LRP1B: variants seen among roughly 807,000 people sequenced by gnomAD.
LRP1B encodes the protein LDL receptor related protein 1B, also known as low-density lipoprotein receptor-related protein 1B.
LRP1B carries 217 observed loss-of-function variants against 556.6 expected under a neutral mutation model. That is an observed-to-expected ratio of 0.39 (90% CI 0.35 to 0.44). The LOEUF (loss-of-function observed/expected upper bound fraction) is 0.44, where lower values mean the gene tolerates loss of function less well. Among genes scored for constraint, LRP1B ranks in the 20% least tolerant of loss-of-function variants. The pLI, the probability that LRP1B is intolerant of heterozygous loss-of-function variation, is 1.00. For missense variants in LRP1B, 5,053 were observed against 5,620.8 expected, an observed-to-expected ratio of 0.90 and a Z score of 3.23; for synonymous variants, 2,047 against 1,865.8, an observed-to-expected ratio of 1.10 and a Z score of -2.50.
intron 3 of LRP1B, among the ~76,000 whole-genome samples, chr2:141,323,902 A>C (rs1349094342): frequency 7.2e-6 from 1 of 139,628 alleles, no homozygotes; most frequent in African/African-American, 2.8e-5. Context: ...ACACACACAC[A>C]CACACCTGAA....
intron 15 of LRP1B, among the ~76,000 whole-genome samples, chr2:141,004,476 G>C (rs1350162374): frequency 6.6e-6 from 1 of 151,954 alleles, no homozygotes; most frequent in Non-Finnish European, 1.5e-5. Flanking sequence ...CACTTCCTGG[G>C]TCTGTCTGAA....
At chr2:140,615,899 G>T (rs1003105758) in intron 41 of LRP1B, among the ~76,000 whole-genome samples, 8 of 151,940 alleles carry the variant, frequency 5.3e-5, no homozygotes, top group African/African-American at 1.9e-4. Flanking sequence ...TGACCTGTTA[G>T]AATACAGAAA....
chr2:140,741,319 T>C (rs999628207), intron 35 of LRP1B, among the ~76,000 whole-genome samples: 2 of 152,170 alleles, frequency 1.3e-5, no homozygotes, highest in Non-Finnish European at 2.9e-5. Context: ...GGGAAACACA[T>C]GATCAATCAG....
chr2:140,553,367 A>C (rs550893141), intron 43 of LRP1B, among the ~76,000 whole-genome samples: 1 of 152,098 alleles, frequency 6.6e-6, no homozygotes, highest in South Asian at 2.1e-4. Flanking sequence ...TTTGTAAAGA[A>C]CAACATTCAA....
intron 2 of LRP1B, among the ~76,000 whole-genome samples, chr2:141,501,631 T>C (rs1683713950): frequency 6.6e-6 from 1 of 152,200 alleles, no homozygotes. Context: ...AAGTTAGCCT[T>C]GAGATCAGTG....
At chr2:141,415,779 A>C (rs191893281) in intron 3 of LRP1B, among the ~76,000 whole-genome samples, 1 of 152,186 alleles carries the variant, frequency 6.6e-6, no homozygotes, top group East Asian at 1.9e-4. Context: ...CCCCTCAATC[A>C]CTTTTTTCTT....
At chr2:141,757,717 A>G (rs1476602491) in intron 2 of LRP1B, among the ~76,000 whole-genome samples, 1 of 151,892 alleles carries the variant, frequency 6.6e-6, no homozygotes, top group African/African-American at 2.4e-5. Context: ...ATTTTTTTTT[A>G]TAGAGATGGG....
intron 29 of LRP1B, 90 bp downstream of exon 29, chr2:140,850,012 G>T: frequency 2.4e-6 from 2 of 822,426 alleles, no homozygotes; most frequent in East Asian, 2.5e-5. Context: ...GCATAAAGTT[G>T]AATAAAAGAG....
At chr2:140,659,104 T>C (rs1574204847) in intron 41 of LRP1B, among the ~76,000 whole-genome samples, 1 of 130,072 alleles carries the variant, frequency 7.7e-6, no homozygotes, top group Non-Finnish European at 1.6e-5. Context: ...ATCTGTTTTT[T>C]TTTTTTTTTT....
intron 3 of LRP1B, among the ~76,000 whole-genome samples, chr2:141,417,808 TGAGA>T (rs1312642877): frequency 6.6e-6 from 1 of 150,388 alleles, no homozygotes; most frequent in African/African-American, 2.4e-5. Context: ...AGATAGGAGC[TGAGA>T]GAGTTTACAT....
At chr2:141,908,408 C>T (rs1305320488) in intron 1 of LRP1B, among the ~76,000 whole-genome samples, 1 of 151,876 alleles carries the variant, frequency 6.6e-6, no homozygotes, top group South Asian at 2.1e-4. Flanking sequence ...GACACAGCAA[C>T]AGATAAGACA....
At chr2:140,278,036 AAC>A (rs34699867) in intron 84 of LRP1B, among the ~76,000 whole-genome samples, 51,890 of 150,330 alleles carry the variant, frequency 0.35, 9,173 homozygotes, top group Middle Eastern at 0.44. Flanking sequence ...CACATATACA[AAC>A]ACACACACAC....
chr2:141,981,647 G>C (rs572098945), intron 1 of LRP1B, among the ~76,000 whole-genome samples: 1 of 152,118 alleles, frequency 6.6e-6, no homozygotes, highest in Non-Finnish European at 1.5e-5. Flanking sequence ...GGGAGAACAA[G>C]TATGGAAGCA....
At position 140,748,852 on chromosome 2, in the gene LRP1B, T is replaced by C. The variant is rs897951600; in HGVS notation, c.5758+20361A>G. 3.7e-5 allele frequency among the ~76,000 whole-genome samples: 5 copies of C among 135,916 alleles called. No individual in the cohort carries two copies. The South Asian group carries it at 9.3e-4, about 25-fold the overall frequency. The allele number at this position is 135,916 out of a possible 152,430, so 89.2% of individuals were successfully genotyped here. A position where few individuals can be genotyped will look rare whatever the true frequency, so the allele number is the denominator to read the frequency against. Reference sequence around the variant, plus strand: ...TCATATATTATATACATGTATATAATATATATACACACACACACACAGAGT... The same window carrying C: ...TCATATATTATATACATGTATATAACATATATACACACACACACACAGAGT... On this transcript the variant is annotated intron_variant, in intron 35 of 90. Transcript: ENST00000389484.
At chr2:140,438,130 CCTCAGCCT>C (rs1686268298) in intron 66 of LRP1B, among the ~76,000 whole-genome samples, 1 of 152,118 alleles carries the variant, frequency 6.6e-6, no homozygotes, top group Non-Finnish European at 1.5e-5. Flanking sequence ...GACCCTCCAG[CCTCAGCCT>C]CCAGAGGAGC....
At chr2:140,276,731 A>G (rs928645787) in intron 84 of LRP1B, among the ~76,000 whole-genome samples, 1 of 152,000 alleles carries the variant, frequency 6.6e-6, no homozygotes, top group Non-Finnish European at 1.5e-5. Context: ...ATAGAAGTCT[A>G]GTGATGTTTC....
At chr2:141,167,232 A>G (rs1680306955) in intron 7 of LRP1B, 1 of 151,896 alleles carries the variant, frequency 6.6e-6, no homozygotes, top group South Asian at 2.1e-4. Context: ...AAACACACAT[A>G]AAATGCAATT....
At chr2:141,963,466 C>T (rs1701465187) in intron 1 of LRP1B, among the ~76,000 whole-genome samples, 1 of 151,666 alleles carries the variant, frequency 6.6e-6, no homozygotes, top group African/African-American at 2.4e-5. Context: ...TGTAATCCAG[C>T]ATATAAACAG....
chr2:141,676,151 T>G (rs896170964), intron 2 of LRP1B, among the ~76,000 whole-genome samples: 19 of 152,082 alleles, frequency 1.2e-4, no homozygotes, highest in Non-Finnish European at 7.4e-5. Flanking sequence ...TGACACATTG[T>G]TTTTGTAATG....
Sources: allele counts gnomAD v4.1 joint callset (sites outside exome capture counted in the v4.1 genomes callset), GRCh38; gene constraint gnomAD v4.1.1; transcripts MANE v1.5; gene names NCBI Gene and HGNC (gene_info 2026-07-23, HGNC 2026-07-21).